The following SCAI variants were observed in gnomAD, a reference collection of about 807,000 sequenced individuals.
The protein encoded by SCAI is protein SCAI.
SCAI carries 24 observed loss-of-function variants against 92.2 expected under a neutral mutation model. That is an observed-to-expected ratio of 0.26 (90% CI 0.19 to 0.37). The LOEUF (loss-of-function observed/expected upper bound fraction) is 0.37, where lower values mean the gene tolerates loss of function less well. SCAI is among the 10% of genes least tolerant of loss of function. The pLI is 1.00. For synonymous variants in SCAI, 261 were observed against 258.6 expected (o/e 1.01, Z -0.09); for missense variants, 450 against 736.2 (o/e 0.61, Z 4.50).
intron 2 of SCAI, among the ~76,000 whole-genome samples, chr9:125,100,640 G>T (rs1166364203): frequency 6.6e-6 from 1 of 152,178 alleles, no homozygotes; most frequent in Non-Finnish European, 1.5e-5. Flanking sequence ...GTTACCTCTA[G>T]TAGGGGGAGA....
chr9:124,995,582 CG>C (rs11322114), intron 13 of SCAI, among the ~76,000 whole-genome samples: 4,743 of 151,940 alleles, frequency 0.031, 221 homozygotes, highest in East Asian at 0.23. Context: ...CTCCATGTCC[CG>C]GGCTCAGGTG....
In SCAI at chr9:125,087,192, A is replaced by C. The variant is rs1168904650; in HGVS notation, c.99-31185T>G. 3.3e-5 allele frequency among the ~76,000 whole-genome samples: 5 copies of C among 152,378 alleles called. No individual in the cohort carries two copies. The East Asian group carries it at 9.6e-4, about 29-fold the overall frequency. On this transcript the variant is annotated intron_variant, in intron 2 of 17. Coordinates refer to ENST00000336505, the MANE Select transcript of SCAI (RefSeq NM_001144877.3). The stretch of plus-strand genomic sequence containing the variant: ...TAACATCTGACTTATCTCTTCTGCT[A>C]AAGACATGTTATAGCTAAATGAGCA...
chr9:125,143,325 T>C (rs1284904100), intron 1 of SCAI, 60 bp downstream of exon 1: 15 of 827,670 alleles, frequency 1.8e-5, no homozygotes, highest in Non-Finnish European at 1.4e-5. Flanking sequence ...CCGCTGCCCC[T>C]GGGCCCGCTC....
At chr9:125,124,278 C>T (rs1835217436) in intron 2 of SCAI, among the ~76,000 whole-genome samples, 2 of 151,990 alleles carry the variant, frequency 1.3e-5, no homozygotes, top group African/African-American at 4.8e-5. Context: ...GGTAGAGAGA[C>T]AGAGACAGAG....
At chr9:125,142,605 G>A (rs1215965998) in intron 2 of SCAI, 28 bp downstream of exon 2, 2 of 1,601,388 alleles carry the variant, frequency 1.2e-6, no homozygotes, top group African/African-American at 2.7e-5. Context: ...AGAAAAACAT[G>A]AAGCAAAATA....
At chr9:124,977,147 G>A (rs1169632811) in intron 14 of SCAI, among the ~76,000 whole-genome samples, 1 of 152,088 alleles carries the variant, frequency 6.6e-6, no homozygotes, top group Non-Finnish European at 1.5e-5. Context: ...GGGATTACAG[G>A]CATGAGCCAG....
intron 2 of SCAI, among the ~76,000 whole-genome samples, chr9:125,142,097 T>C (rs962013703): frequency 1.3e-5 from 2 of 152,022 alleles, no homozygotes; most frequent in Non-Finnish European, 2.9e-5. Context: ...GCTCAGCTAG[T>C]TGGTTTTTGT....
intron 2 of SCAI, among the ~76,000 whole-genome samples, chr9:125,088,903 T>C (rs1315814127): frequency 2.0e-5 from 3 of 152,208 alleles, no homozygotes; most frequent in Non-Finnish European, 4.4e-5. Context: ...TGGTACACTG[T>C]AGAGTGTTTA....
At chr9:124,970,555 C>G (rs568318309) in intron 17 of SCAI, among the ~76,000 whole-genome samples, 1 of 151,954 alleles carries the variant, frequency 6.6e-6, no homozygotes, top group Admixed American at 6.6e-5. Flanking sequence ...CCTGTATCTA[C>G]TAAAAATACA....
At chr9:125,123,602 C>T (rs569676797) in intron 2 of SCAI, among the ~76,000 whole-genome samples, 15 of 152,146 alleles carry the variant, frequency 9.9e-5, no homozygotes, top group East Asian at 5.8e-4. Context: ...CGTGAAACCC[C>T]GTCTCTACTA....
At chr9:125,065,547 TACAG>T (rs1298634935) in intron 2 of SCAI, among the ~76,000 whole-genome samples, 5 of 152,240 alleles carry the variant, frequency 3.3e-5, no homozygotes, top group African/African-American at 1.2e-4. Context: ...CATAAACTCT[TACAG>T]AATAGAGAAG....
chr9:125,136,320 A>C (rs1390871324), intron 2 of SCAI, among the ~76,000 whole-genome samples: 1 of 151,924 alleles, frequency 6.6e-6, no homozygotes, highest in Non-Finnish European at 1.5e-5. Flanking sequence ...CATGTTGCCC[A>C]GACTGGTCTT....
At chr9:125,087,288 T>C (rs1229306035) in intron 2 of SCAI, among the ~76,000 whole-genome samples, 1 of 152,240 alleles carries the variant, frequency 6.6e-6, no homozygotes, top group African/African-American at 2.4e-5. Flanking sequence ...ATTGGCATGA[T>C]GCCCTCAAGA....
At chr9:124,954,940 C>T (rs924532210) in intron 17 of SCAI, among the ~76,000 whole-genome samples, 12 of 151,850 alleles carry the variant, frequency 7.9e-5, no homozygotes, top group African/African-American at 2.9e-4. Flanking sequence ...CCAAAGCAGG[C>T]GGATTATCTG....
At chr9:125,028,262 C>T (rs1296586857) in intron 5 of SCAI, 130 bp downstream of exon 5, 11 of 571,178 alleles carry the variant, frequency 1.9e-5, no homozygotes, top group South Asian at 4.2e-5. Context: ...CAATCTGGTC[C>T]GAACTACTAG....
In SCAI at chr9:124,944,971, A is replaced by G. The variant is rs2131558617; in HGVS notation, c.*7836T>C. 6.6e-6 allele frequency: 1 copy of G among 152,330 alleles called. No homozygotes were observed. Among genetic ancestry groups the G allele is most frequent in the East Asian group, 1.9e-4 (1 of 5,182 alleles). 9.4% of individuals were successfully genotyped at this position (152,330 alleles called of 1,614,324 possible). A position where few individuals can be genotyped will look rare whatever the true frequency, so the allele number is the denominator to read the frequency against. On this transcript the variant is annotated 3_prime_UTR_variant, in exon 18 of 18. Transcript: ENST00000336505. Reference sequence around the variant, plus strand: ...TTCCCTATTTCATTCTGAAAGTGATATCCTATTAGCTTTCATTCCATAAGC... The same window carrying G: ...TTCCCTATTTCATTCTGAAAGTGATGTCCTATTAGCTTTCATTCCATAAGC...
chr9:125,108,633 C>A (rs1342599977), intron 2 of SCAI, among the ~76,000 whole-genome samples: 23 of 146,510 alleles, frequency 1.6e-4, no homozygotes, highest in Admixed American at 1.6e-3. Context: ...CCCCTCCGCC[C>A]GGCAGCCGCC....
At chr9:125,078,792 C>T (rs1042285415) in intron 2 of SCAI, among the ~76,000 whole-genome samples, 2 of 152,040 alleles carry the variant, frequency 1.3e-5, no homozygotes, top group East Asian at 1.9e-4. Context: ...ACACCTGTAG[C>T]CCCAGCTACT....
chr9:125,050,822 C>T (rs1471466436), intron 3 of SCAI, among the ~76,000 whole-genome samples: 1 of 151,870 alleles, frequency 6.6e-6, no homozygotes, highest in Non-Finnish European at 1.5e-5. Context: ...CTCCTGCCTT[C>T]GCCTCCCAAA....
Sources: gnomAD v4.1 joint callset for allele counts (sites outside exome capture counted in the v4.1 genomes callset) on GRCh38, gnomAD v4.1.1 for gene constraint, MANE v1.5 for transcripts, NCBI Gene and HGNC (gene_info 2026-07-23, HGNC 2026-07-21) for gene names.